FGF12: variants seen among roughly 807,000 people sequenced by gnomAD.
FGF12 encodes fibroblast growth factor 12B.
In FGF12, 14 loss-of-function variants were observed where a neutral mutation model predicts 23.6. The ratio of observed to expected loss-of-function variants is 0.59; its 90% CI spans 0.39 to 0.93. The LOEUF (loss-of-function observed/expected upper bound fraction) is 0.93, where lower values mean the gene tolerates loss of function less well. FGF12 is among the 40% of genes least tolerant of loss of function. The pLI, the probability that FGF12 is intolerant of heterozygous loss-of-function variation, is 0.00. For synonymous variants in FGF12, 62 were observed against 77.3 expected, an observed-to-expected ratio of 0.80 and a Z score of 1.04; for missense variants, 175 against 217.8, an observed-to-expected ratio of 0.80 and a Z score of 1.24.
At chr3:192,708,389 T>G (rs1375935015) in intron 2 of FGF12, among the ~76,000 whole-genome samples, 1 of 152,206 alleles carries the variant, frequency 6.6e-6, no homozygotes, top group Non-Finnish European at 1.5e-5. Context: ...AGCTACTTTA[T>G]GCCTCAGATA....
At chr3:192,234,902 T>C (rs1719206281) in intron 4 of FGF12, among the ~76,000 whole-genome samples, 1 of 152,194 alleles carries the variant, frequency 6.6e-6, no homozygotes, top group Non-Finnish European at 1.5e-5. Flanking sequence ...TGCTTTATTG[T>C]GGTGGATTAG....
intron 2 of FGF12, among the ~76,000 whole-genome samples, chr3:192,533,289 A>G (rs1009309236): frequency 1.3e-5 from 2 of 152,144 alleles, no homozygotes; most frequent in Non-Finnish European, 2.9e-5. Flanking sequence ...CAAGTCTACA[A>G]TCCTTTACCA....
chr3:192,661,981 C>T (rs1026906969), intron 2 of FGF12, among the ~76,000 whole-genome samples: 2 of 152,216 alleles, frequency 1.3e-5, no homozygotes, highest in Non-Finnish European at 2.9e-5. Flanking sequence ...CACATCAACA[C>T]ATCCCACTCC....
chr3:192,310,391 T>C (rs1715871940), intron 4 of FGF12, among the ~76,000 whole-genome samples: 1 of 152,216 alleles, frequency 6.6e-6, no homozygotes, highest in South Asian at 2.1e-4. Context: ...TGTGTCTTTC[T>C]ATAAAGATTT....
Position 192,342,656 on chromosome 3 carries a change from G to A in FGF12, c.125-7192C>T, listed in dbSNP as rs546649287. Among the ~76,000 whole-genome samples, 37 of 151,744 alleles carry A rather than the reference G, an allele frequency of 2.4e-4. No individual in the cohort carries two copies. The South Asian group carries it at 7.5e-3, about 31-fold the overall frequency. ...AGTCAGGTATGTGTGTGTGCCTGTG[G>A]TCCCAGCTACTTGGGAGGCTGAGGT... On this transcript the variant is annotated intron_variant, in intron 3 of 5. Transcript: ENST00000445105.
intron 2 of FGF12, among the ~76,000 whole-genome samples, chr3:192,439,922 G>C (rs1342085452): frequency 6.6e-6 from 1 of 150,878 alleles, no homozygotes; most frequent in Non-Finnish European, 1.5e-5. Flanking sequence ...GCTGCAGTGA[G>C]CTGAGATCGC....
At chr3:192,330,443 A>T (rs1398632078) in intron 4 of FGF12, among the ~76,000 whole-genome samples, 2 of 152,210 alleles carry the variant, frequency 1.3e-5, no homozygotes, top group Non-Finnish European at 2.9e-5. Context: ...TGGTCAAATC[A>T]TCTTCAACAA....
At chr3:192,500,673 G>T (rs964456448) in intron 2 of FGF12, among the ~76,000 whole-genome samples, 2 of 152,312 alleles carry the variant, frequency 1.3e-5, no homozygotes, top group East Asian at 3.9e-4. Context: ...AAGCAAGACT[G>T]CTCCTCCTAC....
intron 4 of FGF12, among the ~76,000 whole-genome samples, chr3:192,201,928 A>G (rs1317516491): frequency 1.3e-5 from 2 of 152,234 alleles, no homozygotes; most frequent in Non-Finnish European, 2.9e-5. Flanking sequence ...TTTACCAAGA[A>G]CAAATCTACT....
At chr3:192,201,811 A>T (rs1421440080) in intron 4 of FGF12, among the ~76,000 whole-genome samples, 1 of 152,250 alleles carries the variant, frequency 6.6e-6, no homozygotes, top group Non-Finnish European at 1.5e-5. Flanking sequence ...TAGAAGAGCA[A>T]GCAGGACTGT....
intron 2 of FGF12, among the ~76,000 whole-genome samples, chr3:192,713,457 C>T (rs551779824): frequency 9.2e-5 from 14 of 152,180 alleles, no homozygotes; most frequent in Middle Eastern, 3.4e-3. Context: ...CAAGTAAAAA[C>T]AGAAAAAGAA....
intron 2 of FGF12, among the ~76,000 whole-genome samples, chr3:192,397,908 C>T (rs1220770551): frequency 6.6e-6 from 1 of 151,634 alleles, no homozygotes; most frequent in Non-Finnish European, 1.5e-5. Context: ...CTTTTGAGTT[C>T]CCAAATTAAT....
intron 2 of FGF12, among the ~76,000 whole-genome samples, chr3:192,534,614 A>C (rs1376857607): frequency 6.6e-6 from 1 of 152,010 alleles, no homozygotes; most frequent in Non-Finnish European, 1.5e-5. Flanking sequence ...CTGGTACCGA[A>C]CTCCTGACCT....
chr3:192,423,609 G>A (rs1240134729), intron 2 of FGF12, among the ~76,000 whole-genome samples: 1 of 152,070 alleles, frequency 6.6e-6, no homozygotes, highest in Non-Finnish European at 1.5e-5. Flanking sequence ...GAATTATTCA[G>A]GCTTATGCCC....
intron 2 of FGF12, among the ~76,000 whole-genome samples, chr3:192,544,091 C>T (rs1438615807): frequency 6.6e-6 from 1 of 152,212 alleles, no homozygotes; most frequent in Non-Finnish European, 1.5e-5. Flanking sequence ...GGGCTGGTCT[C>T]ATTGCTCCCT....
chr3:192,190,403 ATTC>A (rs1560185448), intron 4 of FGF12, among the ~76,000 whole-genome samples: 2 of 150,348 alleles, frequency 1.3e-5, no homozygotes, highest in Non-Finnish European at 3.0e-5. Context: ...GAGCTACAAT[ATTC>A]TTTTTATATA....
At chr3:192,702,566 G>A (rs543735868) in intron 2 of FGF12, among the ~76,000 whole-genome samples, 1 of 152,288 alleles carries the variant, frequency 6.6e-6, no homozygotes, top group East Asian at 1.9e-4. Context: ...AATGAGGGAG[G>A]TAGATTGCTT....
rs900426386 is a variant in FGF12, at chr3:192,140,768, A to G, written c.*3241T>C. On this transcript the variant is annotated 3_prime_UTR_variant, in exon 6 of 6. Coordinates refer to ENST00000445105, the MANE Select transcript of FGF12 (RefSeq NM_004113.6). ...TTTATTGCGCCAATCCATAATGGCT[A>G]AAAATGTGCTATTAAATTGTATGTA... is the stretch of plus-strand genomic sequence containing the variant. The G allele has an allele frequency of 4.6e-5, 7 of 152,002 alleles. No homozygotes were observed. The highest frequency in any genetic ancestry group is 1.4e-4 in the African/African-American group (6 of 41,442). The allele number at this position is 152,002 out of a possible 1,614,324, so 9.4% of individuals were successfully genotyped here. A position where few individuals can be genotyped will look rare whatever the true frequency, so the allele number is the denominator to read the frequency against.
chr3:192,567,789 C>CT (rs1214953104), intron 2 of FGF12, among the ~76,000 whole-genome samples: 1 of 130,390 alleles, frequency 7.7e-6, no homozygotes, highest in Non-Finnish European at 1.7e-5. Flanking sequence ...TTCTTTCTTT[C>CT]TTTCTTTCTT....
Sources: allele counts gnomAD v4.1 joint callset (sites outside exome capture counted in the v4.1 genomes callset), GRCh38; gene constraint gnomAD v4.1.1; transcripts MANE v1.5; gene names NCBI Gene and HGNC (gene_info 2026-07-23, HGNC 2026-07-21).